Variants in USP6 observed in about 807,000 individuals in gnomAD.
The protein encoded by USP6 is ubiquitin specific peptidase 6, also known as ubiquitin carboxyl-terminal hydrolase 6.
In USP6, 128 loss-of-function variants were observed where a neutral mutation model predicts 175.7. The ratio of observed to expected loss-of-function variants is 0.73; its 90% CI spans 0.63 to 0.84. The LOEUF (loss-of-function observed/expected upper bound fraction) is 0.84. Among genes scored for constraint, USP6 ranks in the 40% least tolerant of loss-of-function variants. USP6 has a pLI of 0.00. For synonymous variants in USP6, 562 were observed against 630.6 expected, an observed-to-expected ratio of 0.89 and a Z score of 1.63; for missense variants, 1,498 against 1,760.3, an observed-to-expected ratio of 0.85 and a Z score of 2.67.
At chr17:5,167,726 C>T (rs888345767) in intron 33 of USP6, among the ~76,000 whole-genome samples, 3 of 152,124 alleles carry the variant, frequency 2.0e-5, no homozygotes, top group African/African-American at 7.2e-5. Context: ...TGGTTTTGAA[C>T]TCCTGGACTC....
intron 21 of USP6, chr17:5,138,847 GA>G: frequency 1.8e-6 from 1 of 570,422 alleles, no homozygotes; most frequent in Non-Finnish European, 2.9e-6. Context: ...CAGGGGGGCA[GA>G]GGGTGACCCA....
chr17:5,136,739 G>A lies in USP6; in HGVS notation c.759+5G>A, dbSNP rs376501377. 6.2e-7 allele frequency: 1 copy of A among 1,612,240 alleles called. No homozygotes were observed. Among genetic ancestry groups the A allele is most frequent in the East Asian group, 2.2e-5 (1 of 44,870 alleles). The stretch of plus-strand genomic sequence containing the variant: ...CCCAAGACCATGTGGCATCAGGTGA[G>A]TTTATGGTCCCCTCGGCTCTTCTCA... On this transcript the variant is annotated splice_donor_5th_base_variant and intron_variant, in intron 18 of 37. Transcript: ENST00000574788.
Position 5,132,268 on chromosome 17 carries a change from G to A in USP6, c.156-128G>A. 6.2e-7 allele frequency: 1 copy of A among 1,606,452 alleles called. No homozygotes were observed. Among genetic ancestry groups the A allele is most frequent in the South Asian group, 1.1e-5 (1 of 90,830 alleles). ...GGAAGGCCCTTGTCCTCCCTTCCCT[G>A]TGCCTTCTCCCGGGCTGAGCCCTGA... On this transcript the variant is annotated intron_variant, in intron 11 of 37. Transcript: ENST00000574788. The surrounding 1 kb of genome is among the most constrained non-coding windows in gnomAD (Gnocchi z 4.7).
At chr17:5,143,774 G>T (rs1439938667) in intron 25 of USP6, among the ~76,000 whole-genome samples, 2 of 151,440 alleles carry the variant, frequency 1.3e-5, no homozygotes, top group East Asian at 1.9e-4. Context: ...AAAAAATTTG[G>T]TAGGCATAGT....
intron 31 of USP6, among the ~76,000 whole-genome samples, chr17:5,156,444 A>C (rs2073887148): frequency 6.6e-6 from 1 of 151,894 alleles, no homozygotes. Context: ...AGTAGCTGGG[A>C]TACAGGCATG....
At chr17:5,154,373 T>C (rs2073836638) in intron 30 of USP6, among the ~76,000 whole-genome samples, 1 of 152,224 alleles carries the variant, frequency 6.6e-6, no homozygotes, top group African/African-American at 2.4e-5. Context: ...CAGCTTTGGA[T>C]AACCTTGAAC....
At position 5,174,927 on chromosome 17, in the gene USP6, T is replaced by C. The variant is rs2074293054; in HGVS notation, c.*1949T>C. On this transcript the variant is annotated 3_prime_UTR_variant, in exon 38 of 38. Transcript: ENST00000574788. ...TGTATCAAAAGTATTGGTAATTGTA[T>C]ATGGGGTGTACCTGTTTATCTGTTA... is the stretch of plus-strand genomic sequence containing the variant. 1 of 190,764 alleles carries C rather than the reference T, an allele frequency of 5.2e-6. No individual in the cohort carries two copies. The highest frequency in any genetic ancestry group is 1.1e-5 in the Non-Finnish European group (1 of 90,728). 11.8% of individuals were successfully genotyped at this position (190,764 alleles called of 1,614,324 possible). A position where few individuals can be genotyped will look rare whatever the true frequency, so the allele number is the denominator to read the frequency against.
intron 30 of USP6, among the ~76,000 whole-genome samples, chr17:5,151,465 GGT>G (rs1230634666): frequency 6.8e-6 from 1 of 146,936 alleles, no homozygotes; most frequent in African/African-American, 2.5e-5. Context: ...GTGTGTGTGT[GGT>G]GTGTGTGAGT....
In USP6 at chr17:5,136,538, C is replaced by T. The variant is rs888696095; in HGVS notation, c.665-102C>T. The T allele has an allele frequency of 3.5e-6, 5 of 1,424,178 alleles. No individual in the cohort carries two copies. The African/African-American group carries it at 7.1e-5, about 20-fold the overall frequency. 88.2% of individuals were successfully genotyped at this position (1,424,178 alleles called of 1,614,324 possible). A position where few individuals can be genotyped will look rare whatever the true frequency, so the allele number is the denominator to read the frequency against. ...GGTCACCAGATGGGAGGGCGGGAGG[C>T]CTTGGGGTTTGGGGGCCTCTGCAGC... On this transcript the variant is annotated intron_variant, in intron 17 of 37. Coordinates refer to ENST00000574788, the MANE Select transcript of USP6 (RefSeq NM_001304284.2).
chr17:5,134,920 C>T (rs532176298), intron 15 of USP6: 15 of 366,842 alleles, frequency 4.1e-5, no homozygotes, highest in African/African-American at 1.1e-4. Context: ...GAGCGGTGGC[C>T]GGGAGACTGC....
At chr17:5,153,629 T>C (rs1371798411) in intron 30 of USP6, among the ~76,000 whole-genome samples, 1 of 151,750 alleles carries the variant, frequency 6.6e-6, no homozygotes, top group East Asian at 1.9e-4. Context: ...TTCTCTGAAT[T>C]AGTAGCCGTT....
intron 30 of USP6, among the ~76,000 whole-genome samples, chr17:5,149,386 A>C (rs563625237): frequency 3.3e-5 from 5 of 152,206 alleles, no homozygotes; most frequent in African/African-American, 1.2e-4. Flanking sequence ...CTGGGTGGTA[A>C]AGCGAGACTT....
In USP6 at chr17:5,136,730, A is replaced by G; in HGVS notation, c.755A>G (p.His252Arg). The G allele has an allele frequency of 6.2e-7, 1 of 1,612,332 alleles. No homozygotes were observed. Among genetic ancestry groups the G allele is most frequent in the African/African-American group, 1.3e-5 (1 of 75,008 alleles). The change falls in exon 18 of 38, where the codon CAT becomes CGT. Residue 252 changes from histidine (H) to arginine (R), a missense_variant. Physicochemically the swap from His to Arg is conservative, Grantham distance 29. Transcript: ENST00000574788. ...AAGTCACAACCCAAGACCATGTGGC[A>G]TCAGGTGAGTTTATGGTCCCCTCGG... ...VPKSQPKTMW[H>R]QDKEGLCGQC...
chr17:5,134,063 G>A (rs1331076821), intron 15 of USP6, 67 bp downstream of exon 15: 13 of 1,524,078 alleles, frequency 8.5e-6, no homozygotes, highest in African/African-American at 2.7e-5. Flanking sequence ...GGACTTCCCC[G>A]GAGCAGAAGC....
At chr17:5,144,669 T>C in intron 25 of USP6, 21 bp from the exon 26 acceptor site, 8 of 1,610,504 alleles carry the variant, frequency 5.0e-6, no homozygotes, top group South Asian at 1.1e-5. Flanking sequence ...ATAATGACTG[T>C]GACTTCTCTT....
At chr17:5,122,030 T>C (rs1231919576) in intron 4 of USP6, among the ~76,000 whole-genome samples, 2 of 149,088 alleles carry the variant, frequency 1.3e-5, no homozygotes, top group Non-Finnish European at 3.0e-5. Context: ...ACATTCACTC[T>C]GGCTGCAGAG....
At position 5,169,023 on chromosome 17, in the gene USP6, C is replaced by A; in HGVS notation, c.3485C>A (p.Ser1162Ter). Residue 1162 changes from serine (S) to a stop codon, truncating the protein, a stop_gained, in exon 35 of 38, where the codon TCA becomes TAA. Transcript: ENST00000574788. LOFTEE classifies it high-confidence loss of function. ...ATGCTCCTAAGCAAAAGCCCATCCT[C>A]ACTCAGCGCTAACATCAGCAGCAGC... ...EDMLLSKSPS[S>*]LSANISSSPK... is the part of the protein sequence containing the mutation. The A allele has an allele frequency of 1.9e-6, 3 of 1,612,922 alleles. No individual in the cohort carries two copies. Among genetic ancestry groups the A allele is most frequent in the Non-Finnish European group, 2.5e-6 (3 of 1,179,378 alleles).
chr17:5,117,673 T>G (rs1241002956), intron 1 of USP6, among the ~76,000 whole-genome samples: 1 of 152,186 alleles, frequency 6.6e-6, no homozygotes, highest in African/African-American at 2.4e-5. Context: ...ACTATCAGAT[T>G]TGTTCTGAAG....
rs1309572909 is a variant in USP6 at position 5,173,553 on chromosome 17, T to C, written c.*575T>C. On this transcript the variant is annotated 3_prime_UTR_variant, in exon 38 of 38. Coordinates refer to ENST00000574788, the MANE Select transcript of USP6 (RefSeq NM_001304284.2). The stretch of plus-strand genomic sequence containing the variant: ...TTTTTCTTGCTTTTTGTTTTTGCCA[T>C]TGTGTTTACGTTTGAGACACAACCA... 2.3e-5 allele frequency: 5 copies of C among 219,270 alleles called. No homozygotes were observed. The highest frequency in any genetic ancestry group is 4.6e-5 in the Non-Finnish European group (5 of 109,046). 13.6% of individuals were successfully genotyped at this position (219,270 alleles called of 1,614,324 possible). A position where few individuals can be genotyped will look rare whatever the true frequency, so the allele number is the denominator to read the frequency against.
Sources: gnomAD v4.1 joint callset for allele counts (sites outside exome capture counted in the v4.1 genomes callset) on GRCh38, gnomAD v4.1.1 for gene constraint, Gnocchi (gnomAD v3.1) non-coding constraint, MANE v1.5 for transcripts, NCBI Gene and HGNC (gene_info 2026-07-23, HGNC 2026-07-21) for gene names.